The following PLAC8 variants were observed in gnomAD, a reference collection of about 807,000 sequenced individuals.
PLAC8 encodes placenta associated 8.
In PLAC8, 6 loss-of-function variants were observed where a neutral mutation model predicts 12.6. The ratio of observed to expected loss-of-function variants is 0.48; its 90% CI spans 0.26 to 0.94. PLAC8 has a LOEUF of 0.94. Ranked by LOEUF, PLAC8 falls within the 40% of genes least tolerant of loss-of-function variation. The probability of loss-of-function intolerance (pLI) is 0.14; values close to 1 mark genes in which losing one functional copy is unlikely to be tolerated. For synonymous variants in PLAC8, 54 were observed against 52.6 expected (o/e 1.03, Z -0.11); for missense variants, 122 against 152.7 (o/e 0.80, Z 1.06).
intron 3 of PLAC8, among the ~76,000 whole-genome samples, chr4:83,104,457 G>GTA (rs1418546590): frequency 6.6e-6 from 1 of 152,168 alleles, no homozygotes; most frequent in Non-Finnish European, 1.5e-5. Context: ...AATGGAAAGT[G>GTA]TATGAATGGA....
At chr4:83,114,509 T>A (rs1363639182) in intron 1 of PLAC8, among the ~76,000 whole-genome samples, 157 bp downstream of exon 1, 1 of 152,166 alleles carries the variant, frequency 6.6e-6, no homozygotes, top group Non-Finnish European at 1.5e-5. Context: ...AATGTATAAA[T>A]TTAAAGCAAT....
intron 1 of PLAC8, among the ~76,000 whole-genome samples, chr4:83,111,684 T>C (rs1732426980): frequency 6.6e-6 from 1 of 152,234 alleles, no homozygotes; most frequent in Non-Finnish European, 1.5e-5. Context: ...ATTCTGTTTT[T>C]TAATATAATA....
chr4:83,090,629 C>A lies in PLAC8; in HGVS notation c.*352G>T, dbSNP rs1274860215. 1 of 148,192 alleles carries A rather than the reference C, an allele frequency of 6.7e-6. No homozygotes were observed. Among genetic ancestry groups the A allele is most frequent in the Non-Finnish European group, 1.5e-5 (1 of 67,166 alleles). 9.2% of individuals were successfully genotyped at this position (148,192 alleles called of 1,614,324 possible). A position where few individuals can be genotyped will look rare whatever the true frequency, so the allele number is the denominator to read the frequency against. ...TATAAGAACAAAATTATGAGACTGACCCTTGGAACTAACTAGTGAAAAAGA... is the reference window on the plus strand; with the variant it reads ...TATAAGAACAAAATTATGAGACTGAACCTTGGAACTAACTAGTGAAAAAGA... On this transcript the variant is annotated 3_prime_UTR_variant, in exon 5 of 5. Coordinates refer to ENST00000311507, the MANE Select transcript of PLAC8 (RefSeq NM_016619.3).
At chr4:83,091,883 A>T (rs1731815952) in intron 4 of PLAC8, among the ~76,000 whole-genome samples, 1 of 151,902 alleles carries the variant, frequency 6.6e-6, no homozygotes, top group Non-Finnish European at 1.5e-5. Context: ...GTCAGCACAA[A>T]CTCATAGATA....
At chr4:83,104,106 G>T (rs1051298283) in intron 3 of PLAC8, among the ~76,000 whole-genome samples, 1 of 152,188 alleles carries the variant, frequency 6.6e-6, no homozygotes, top group East Asian at 1.9e-4. Flanking sequence ...GATTCAGATA[G>T]ATTATTATTA....
chr4:83,093,651 T>C (rs1174394469), intron 4 of PLAC8: 1 of 152,154 alleles, frequency 6.6e-6, no homozygotes, highest in Non-Finnish European at 1.5e-5. Context: ...GATCTTTTCC[T>C]CCTCTGAACA....
chr4:83,113,591 C>T (rs1030542155), intron 1 of PLAC8, among the ~76,000 whole-genome samples: 3 of 152,126 alleles, frequency 2.0e-5, no homozygotes, highest in Non-Finnish European at 2.9e-5. Context: ...AGCAGTTCTG[C>T]CCGTTGTGGT....
chr4:83,091,588 G>T (rs1731808015), intron 4 of PLAC8, among the ~76,000 whole-genome samples: 1 of 152,188 alleles, frequency 6.6e-6, no homozygotes, highest in Non-Finnish European at 1.5e-5. Flanking sequence ...CTCCATTGTG[G>T]AGTTACTCCA....
chr4:83,104,117 G>C (rs1490037999), intron 3 of PLAC8, among the ~76,000 whole-genome samples: 1 of 152,170 alleles, frequency 6.6e-6, no homozygotes, highest in Non-Finnish European at 1.5e-5. Context: ...ATTATTATTA[G>C]TATTTTTTAG....
chr4:83,103,171 C>T (rs1017040322), intron 3 of PLAC8, among the ~76,000 whole-genome samples: 2 of 151,386 alleles, frequency 1.3e-5, no homozygotes, highest in Non-Finnish European at 1.5e-5. Context: ...CCGAGGCGGG[C>T]GGATCACAAG....
intron 1 of PLAC8, among the ~76,000 whole-genome samples, chr4:83,112,190 A>ATATATATATATATGTATATATATATATG (rs71668627): frequency 2.1e-4 from 11 of 52,828 alleles, no homozygotes; most frequent in African/African-American, 6.9e-4. Context: ...AAAAAAATTT[A>ATATATATATATATGTATATATATATATG]TATATATATA....
At chr4:83,106,019 T>C (rs1732229519) in intron 2 of PLAC8, among the ~76,000 whole-genome samples, 1 of 151,868 alleles carries the variant, frequency 6.6e-6, no homozygotes, top group Non-Finnish European at 1.5e-5. Flanking sequence ...TATTTACTTA[T>C]TTATTTATTT....
At chr4:83,095,384 G>A (rs1249467166) in intron 3 of PLAC8, among the ~76,000 whole-genome samples, 1 of 151,990 alleles carries the variant, frequency 6.6e-6, no homozygotes, top group Non-Finnish European at 1.5e-5. Flanking sequence ...TGGGGTTAAA[G>A]GACTCATAAG....
At chr4:83,106,619 AAAAAAAC>A (rs1014860271) in intron 2 of PLAC8, among the ~76,000 whole-genome samples, 4 of 152,050 alleles carry the variant, frequency 2.6e-5, no homozygotes, top group Non-Finnish European at 5.9e-5. Flanking sequence ...CTGTGTCTCA[AAAAAAAC>A]AAAAAACAAA....
intron 1 of PLAC8, among the ~76,000 whole-genome samples, chr4:83,113,161 C>T (rs1732461368): frequency 1.3e-5 from 2 of 152,244 alleles, no homozygotes; most frequent in Admixed American, 6.5e-5. Context: ...CGCAGGGCTG[C>T]TGCCCTTATG....
intron 1 of PLAC8, among the ~76,000 whole-genome samples, chr4:83,111,544 A>AT (rs574402718): frequency 1.2e-4 from 19 of 152,198 alleles, no homozygotes; most frequent in Admixed American, 3.9e-4. Flanking sequence ...AGCTGTTTGT[A>AT]TTTTTTTCCC....
chr4:83,096,525 T>C (rs1288994255), intron 3 of PLAC8, among the ~76,000 whole-genome samples: 1 of 152,194 alleles, frequency 6.6e-6, no homozygotes, highest in African/African-American at 2.4e-5. Context: ...CAATATTAAG[T>C]GAAAAATAAC....
At chr4:83,092,182 T>C (rs1282768918) in intron 4 of PLAC8, among the ~76,000 whole-genome samples, 2 of 152,160 alleles carry the variant, frequency 1.3e-5, no homozygotes, top group East Asian at 3.9e-4. Flanking sequence ...TTCAGTGAGA[T>C]ATTTTCCCTG....
chr4:83,100,453 A>T (rs1053820850), intron 3 of PLAC8, among the ~76,000 whole-genome samples: 2 of 151,710 alleles, frequency 1.3e-5, no homozygotes, highest in Admixed American at 6.6e-5. Context: ...AGCCAATTAA[A>T]CCTCTTTTCT....
Sources: allele counts gnomAD v4.1 joint callset (sites outside exome capture counted in the v4.1 genomes callset), GRCh38; gene constraint gnomAD v4.1.1; transcripts MANE v1.5; gene names NCBI Gene and HGNC (gene_info 2026-07-23, HGNC 2026-07-21).